UBAP1L: variants seen among roughly 807,000 people sequenced by gnomAD.
The protein encoded by UBAP1L is ubiquitin associated protein 1 like.
A neutral mutation model predicts 32.1 loss-of-function variants in UBAP1L; 32 were observed. The ratio of observed to expected loss-of-function variants is 1.00; its 90% CI spans 0.75 to 1.34. UBAP1L has a LOEUF of 1.34. Ranked by LOEUF, UBAP1L falls within the 40% of genes most tolerant of loss-of-function variation. The pLI is 0.00. For synonymous variants in UBAP1L, 243 were observed against 250.2 expected (o/e 0.97, Z 0.27); for missense variants, 516 against 540.5 (o/e 0.95, Z 0.45).
chr15:65,105,124 A>T (rs1330644072), intron 2 of UBAP1L: 4 of 197,184 alleles, frequency 2.0e-5, no homozygotes, highest in Non-Finnish European at 4.2e-5. Flanking sequence ...GGCTGCAGTG[A>T]GCCATGTTCA....
intron 4 of UBAP1L, chr15:65,097,022 G>A (rs1432066241): frequency 6.6e-6 from 1 of 152,230 alleles, no homozygotes; most frequent in Non-Finnish European, 1.5e-5. Context: ...TAACTTGGTG[G>A]GGGAGGATAG....
At chr15:65,110,684 C>CAAAA (rs71136313) in intron 1 of UBAP1L, among the ~76,000 whole-genome samples, 2 of 63,082 alleles carry the variant, frequency 3.2e-5, no homozygotes, top group East Asian at 4.7e-4. Context: ...GACTCTGTCT[C>CAAAA]AAAAAAAAAA....
At position 65,094,929 on chromosome 15, in the gene UBAP1L, G is replaced by T. The variant is rs1168823187; in HGVS notation, c.910-353C>A. The T allele has an allele frequency of 9.2e-6, 3 of 327,772 alleles. No homozygotes were observed. In the East Asian group the frequency reaches 2.2e-4, roughly 24 times the overall value. 20.3% of individuals were successfully genotyped at this position (327,772 alleles called of 1,614,324 possible). On this transcript the variant is annotated intron_variant, in intron 4 of 5. Transcript: ENST00000559089. This position sits in a 1 kb window ranked among gnomAD's most constrained non-coding sequence, Gnocchi z 4.2. ...CCACCCAACGCAATTCAACATTCAT[G>T]CACCACCCACCCCTGTCTGGGAGCA...
intron 4 of UBAP1L, chr15:65,098,934 C>G (rs2087207625): frequency 6.6e-6 from 1 of 152,336 alleles, no homozygotes; most frequent in African/African-American, 2.4e-5. Context: ...TATCTTGCCA[C>G]TAGCACCTCT....
intron 1 of UBAP1L, among the ~76,000 whole-genome samples, chr15:65,114,324 T>G (rs2140574095): frequency 6.6e-6 from 1 of 152,322 alleles, no homozygotes; most frequent in East Asian, 1.9e-4. Context: ...CAGAACGCTT[T>G]TGAAGAAAAA....
chr15:65,098,695 C>T (rs1268729727), intron 4 of UBAP1L: 2 of 152,172 alleles, frequency 1.3e-5, no homozygotes, highest in Non-Finnish European at 2.9e-5. Flanking sequence ...GTGAATGAGG[C>T]CATCTTAGAT....
chr15:65,102,199 G>T lies in UBAP1L; in HGVS notation c.606C>A (p.Pro202=). The T allele has an allele frequency of 8.3e-7, 1 of 1,200,128 alleles. No homozygotes were observed. Among genetic ancestry groups the T allele is most frequent in the Non-Finnish European group, 1.0e-6 (1 of 967,864 alleles). 74.3% of individuals were successfully genotyped at this position (1,200,128 alleles called of 1,614,324 possible). A position where few individuals can be genotyped will look rare whatever the true frequency, so the allele number is the denominator to read the frequency against. The change falls in exon 3 of 6, where the codon CCC becomes CCA. Residue 202 remains proline (P), a synonymous_variant. Coordinates refer to ENST00000559089, the MANE Select transcript of UBAP1L (RefSeq NM_001163692.2). This position sits in a 1 kb window ranked among gnomAD's most constrained non-coding sequence, Gnocchi z 5.0. ...CGGGGGCGGCGGGGTGCTGGGGCGC[G>T]GGCCCCGGGGGTGATGCAGACCTGG... ...QSPRSASPPG[P]APQHPAAPAS...
rs1409440769 is a variant in UBAP1L at position 65,094,113 on chromosome 15, G to T, written c.1011+362C>A. On this transcript the variant is annotated intron_variant, in intron 5 of 5. Transcript: ENST00000559089. The surrounding 1 kb of genome is among the most constrained non-coding windows in gnomAD (Gnocchi z 4.2). ...TTGGGGTAGGCGGCACGCTCCCCAA[G>T]TAGAAAGGTCATGCATCTTTGTGCT... Among the ~76,000 whole-genome samples, 1 of 152,194 alleles carries T rather than the reference G, an allele frequency of 6.6e-6. No individual in the cohort carries two copies. The highest frequency in any genetic ancestry group is 1.5e-5 in the Non-Finnish European group (1 of 68,030).
Position 65,093,066 on chromosome 15 carries a change from G to T in UBAP1L, c.*31C>A. ...GTTGCCAGGTCTGGCATTGGGCCTA[G>T]ATGCCCAGGCATCGTGGAGTGCCTC... On this transcript the variant is annotated 3_prime_UTR_variant, in exon 6 of 6. Coordinates refer to ENST00000559089, the MANE Select transcript of UBAP1L (RefSeq NM_001163692.2). The T allele has an allele frequency of 6.5e-7, 1 of 1,536,936 alleles. No individual in the cohort carries two copies.
At position 65,094,802 on chromosome 15, in the gene UBAP1L, C is replaced by G. The variant is rs1004639449; in HGVS notation, c.910-226G>C. ...ATGGGTCTTCACCAACTATGCCAAG[C>G]TGGGGGCTGGACTCCAGGAAAAGGG... On this transcript the variant is annotated intron_variant, in intron 4 of 5. Transcript: ENST00000559089. The surrounding 1 kb of genome is among the most constrained non-coding windows in gnomAD (Gnocchi z 4.2). 7 of 572,192 alleles carry G rather than the reference C, an allele frequency of 1.2e-5. No homozygotes were observed. The highest frequency in any genetic ancestry group is 4.7e-4 in the Middle Eastern group (1 of 2,134). 35.4% of individuals were successfully genotyped at this position (572,192 alleles called of 1,614,324 possible).
chr15:65,094,529 A>C lies in UBAP1L; in HGVS notation c.957T>G (p.Tyr319Ter), dbSNP rs2087152647. The C allele has an allele frequency of 3.2e-6, 5 of 1,551,390 alleles. No homozygotes were observed. The highest frequency in any genetic ancestry group is 3.5e-6 in the Non-Finnish European group (4 of 1,146,970). Reference sequence around the variant, plus strand: ...TGGCCTCATCCACCAGGCCTTCCTCATATCCCTGACGTAACAGGCGGTCAC... The same window carrying C: ...TGGCCTCATCCACCAGGCCTTCCTCCTATCCCTGACGTAACAGGCGGTCAC... ...SACDRLLRQGYEEGLVDEAME... is the reference protein window; with the variant it reads ...SACDRLLRQG Residue 319 changes from tyrosine (Y) to a stop codon, truncating the protein, a stop_gained, in exon 5 of 6, where the codon TAT (tyrosine) becomes TAG (stop). Coordinates refer to ENST00000559089, the MANE Select transcript of UBAP1L (RefSeq NM_001163692.2). LOFTEE classifies it high-confidence loss of function. This position sits in a 1 kb window ranked among gnomAD's most constrained non-coding sequence, Gnocchi z 4.2.
chr15:65,096,960 AACCCAAAGGGCTTGTTCAGTT>A (rs1344289771), intron 4 of UBAP1L: 1 of 152,294 alleles, frequency 6.6e-6, no homozygotes, highest in Non-Finnish European at 1.5e-5. Flanking sequence ...AAGGAATCTG[AACCCAAAGGGCTTGTTCAGTT>A]ACCAGGACTT....
chr15:65,095,476 C>A (rs2087162589), intron 4 of UBAP1L: 1 of 152,222 alleles, frequency 6.6e-6, no homozygotes, highest in South Asian at 2.1e-4. Flanking sequence ...CCACAGTGTC[C>A]CCATCATCCA....
At chr15:65,113,399 T>G (rs1027254981) in intron 1 of UBAP1L, among the ~76,000 whole-genome samples, 2 of 152,162 alleles carry the variant, frequency 1.3e-5, no homozygotes, top group Non-Finnish European at 2.9e-5. Context: ...CCTTTGCATA[T>G]CCTGTTCTGG....
chr15:65,106,420 G>A, intron 1 of UBAP1L, 32 bp from the exon 2 acceptor site: 1 of 502,124 alleles, frequency 2.0e-6, no homozygotes. Flanking sequence ...ATAAAAACAA[G>A]AGCATTCACA....
At chr15:65,093,574 T>C (rs1240967846) in intron 5 of UBAP1L, among the ~76,000 whole-genome samples, 4 of 152,194 alleles carry the variant, frequency 2.6e-5, no homozygotes, top group Admixed American at 2.6e-4. Flanking sequence ...CCAAGGTCCC[T>C]GCCCGTGCCC....
At chr15:65,103,935 T>C (rs1268845840) in intron 2 of UBAP1L, among the ~76,000 whole-genome samples, 1 of 152,062 alleles carries the variant, frequency 6.6e-6, no homozygotes, top group Non-Finnish European at 1.5e-5. Flanking sequence ...TTTGGAACTA[T>C]GCAAGATGAT....
At chr15:65,105,823 ACT>A in intron 2 of UBAP1L, 1 of 704,026 alleles carries the variant, frequency 1.4e-6, no homozygotes, top group East Asian at 2.6e-5. Flanking sequence ...ACGAAGTCTC[ACT>A]CTGTCGCCAG....
intron 1 of UBAP1L, among the ~76,000 whole-genome samples, chr15:65,111,049 G>C (rs1057239365): frequency 6.6e-6 from 1 of 152,144 alleles, no homozygotes; most frequent in Non-Finnish European, 1.5e-5. Flanking sequence ...GTCAACTCTT[G>C]TTAGTGTCTT....
Sources: allele counts gnomAD v4.1 joint callset (sites outside exome capture counted in the v4.1 genomes callset), GRCh38; gene constraint gnomAD v4.1.1; non-coding constraint Gnocchi (gnomAD v3.1); transcripts MANE v1.5; gene names NCBI Gene and HGNC (gene_info 2026-07-23, HGNC 2026-07-21).